Variants in AGBL4 observed in about 807,000 individuals in gnomAD.
The protein encoded by AGBL4 is cytosolic carboxypeptidase 6.
A neutral mutation model predicts 66.4 loss-of-function variants in AGBL4; 58 were observed. The ratio of observed to expected loss-of-function variants is 0.87; its 90% CI spans 0.71 to 1.09. The LOEUF (loss-of-function observed/expected upper bound fraction) is 1.09. AGBL4 is among the 50% of genes least tolerant of loss of function. The pLI, the probability that AGBL4 is intolerant of heterozygous loss-of-function variation, is 0.00. For missense variants in AGBL4, 579 were observed against 631.0 expected, an observed-to-expected ratio of 0.92 and a Z score of 0.88; for synonymous variants, 234 against 222.9, an observed-to-expected ratio of 1.05 and a Z score of -0.44.
intron 2 of AGBL4, among the ~76,000 whole-genome samples, chr1:49,760,409 G>C (rs562128262): frequency 2.6e-5 from 4 of 151,968 alleles, no homozygotes; most frequent in African/African-American, 9.7e-5. Flanking sequence ...GCCAACACAT[G>C]TATGAAAAAA....
chr1:49,351,533 T>A (rs1643908240), intron 3 of AGBL4, among the ~76,000 whole-genome samples: 1 of 152,080 alleles, frequency 6.6e-6, no homozygotes, highest in Non-Finnish European at 1.5e-5. Flanking sequence ...TAAAGCTTAT[T>A]CATAGAAAAT....
intron 3 of AGBL4, among the ~76,000 whole-genome samples, chr1:49,674,751 T>A (rs1646547533): frequency 6.6e-6 from 1 of 151,950 alleles, no homozygotes; most frequent in African/African-American, 2.4e-5. Context: ...GTGGTAGAAT[T>A]ACAGTCTTTG....
chr1:48,941,135 A>G (rs1655933290), intron 5 of AGBL4, among the ~76,000 whole-genome samples: 1 of 152,252 alleles, frequency 6.6e-6, no homozygotes, highest in Non-Finnish European at 1.5e-5. Context: ...GACCCTGAAC[A>G]TCAGAGGGCA....
At chr1:49,538,433 G>A (rs915191175) in intron 3 of AGBL4, among the ~76,000 whole-genome samples, 1 of 152,184 alleles carries the variant, frequency 6.6e-6, no homozygotes, top group South Asian at 2.1e-4. Flanking sequence ...TGGGTACAAT[G>A]TACATTATTG....
chr1:49,844,543 G>T, intron 2 of AGBL4: 3 of 610,802 alleles, frequency 4.9e-6, no homozygotes, highest in East Asian at 3.3e-5. Context: ...TTCCTGGTTT[G>T]CAAAACTATA....
chr1:49,025,491 G>C (rs1663587209), intron 5 of AGBL4: 2 of 152,180 alleles, frequency 1.3e-5, no homozygotes, highest in African/African-American at 4.8e-5. Flanking sequence ...TCAGGGATAT[G>C]GGGAGCACAG....
At chr1:48,967,006 T>G (rs1030765482) in intron 5 of AGBL4, among the ~76,000 whole-genome samples, 12 of 151,574 alleles carry the variant, frequency 7.9e-5, no homozygotes, top group African/African-American at 2.9e-4. Context: ...AGAGCCATAT[T>G]GTAGTGTTCG....
At chr1:49,344,757 A>G (rs1645606227) in intron 3 of AGBL4, among the ~76,000 whole-genome samples, 1 of 152,324 alleles carries the variant, frequency 6.6e-6, no homozygotes, top group Admixed American at 6.5e-5. Context: ...TGACATTAAT[A>G]GCAGTATATT....
intron 3 of AGBL4, among the ~76,000 whole-genome samples, chr1:49,683,325 C>T (rs1403730611): frequency 6.6e-6 from 1 of 152,008 alleles, no homozygotes; most frequent in Non-Finnish European, 1.5e-5. Context: ...CTTGTTTTAT[C>T]AACATATCCA....
intron 3 of AGBL4, among the ~76,000 whole-genome samples, chr1:49,325,075 T>G (rs1207651092): frequency 6.6e-6 from 1 of 152,218 alleles, no homozygotes; most frequent in Non-Finnish European, 1.5e-5. Context: ...CAGGCTGGAG[T>G]GCAGTGGCAC....
chr1:49,396,650 T>C (rs1249957680), intron 3 of AGBL4, among the ~76,000 whole-genome samples: 1 of 152,180 alleles, frequency 6.6e-6, no homozygotes, highest in Non-Finnish European at 1.5e-5. Flanking sequence ...TAAGATATAA[T>C]ACTGTGTGAA....
In AGBL4 at chr1:48,648,409, C is replaced by T. The variant is rs190738830; in HGVS notation, c.839+4928G>A. ...CCCATTCTTGATAGAGCCTCTCCCC[C>T]GCGCTTCTACTAAATGATGGAAGGT... On this transcript the variant is annotated intron_variant, in intron 8 of 13. Coordinates refer to ENST00000371839, the MANE Select transcript of AGBL4 (RefSeq NM_032785.4). Among the ~76,000 whole-genome samples, 937 of 152,290 alleles carry T rather than the reference C, an allele frequency of 6.2e-3. 15 individuals carry two copies. The highest frequency in any genetic ancestry group is 7.7e-3 in the Non-Finnish European group (521 of 68,024).
intron 5 of AGBL4, among the ~76,000 whole-genome samples, chr1:48,937,395 C>T (rs1655571396): frequency 6.6e-6 from 1 of 152,104 alleles, no homozygotes; most frequent in Non-Finnish European, 1.5e-5. Context: ...AGTGATTCAG[C>T]TTCATTATTA....
At chr1:48,806,998 A>T (rs1229246352) in intron 6 of AGBL4, among the ~76,000 whole-genome samples, 1 of 152,188 alleles carries the variant, frequency 6.6e-6, no homozygotes, top group East Asian at 1.9e-4. Context: ...CTACTCTCAT[A>T]TATCCAACAA....
chr1:49,445,846 T>TTTTA (rs1039930230), intron 3 of AGBL4, among the ~76,000 whole-genome samples: 17 of 152,004 alleles, frequency 1.1e-4, no homozygotes, highest in Non-Finnish European at 1.8e-4. Flanking sequence ...ATTTATTTTA[T>TTTTA]TTTATTTATT....
intron 6 of AGBL4, among the ~76,000 whole-genome samples, chr1:48,837,060 A>G (rs1646693704): frequency 6.7e-6 from 1 of 148,762 alleles, no homozygotes; most frequent in Non-Finnish European, 1.5e-5. Flanking sequence ...TATTAATTAT[A>G]TAATAGTAAG....
intron 1 of AGBL4, among the ~76,000 whole-genome samples, chr1:50,011,979 G>A (rs1293940450): frequency 1.3e-5 from 2 of 151,980 alleles, no homozygotes; most frequent in Non-Finnish European, 2.9e-5. Context: ...CTAACAAGGT[G>A]AAACCCCGTC....
chr1:48,724,683 A>G (rs1570358124), intron 6 of AGBL4, among the ~76,000 whole-genome samples: 2 of 152,176 alleles, frequency 1.3e-5, no homozygotes, highest in Admixed American at 1.3e-4. Flanking sequence ...GGTATTTCCT[A>G]TTTTTGGCAA....
chr1:49,947,063 A>T (rs546693027), intron 1 of AGBL4, among the ~76,000 whole-genome samples: 28 of 148,184 alleles, frequency 1.9e-4, no homozygotes, highest in African/African-American at 3.2e-4. Context: ...AATGGTAATT[A>T]AAAAAAAAAG....
Sources: gnomAD v4.1 joint callset for allele counts (sites outside exome capture counted in the v4.1 genomes callset) on GRCh38, gnomAD v4.1.1 for gene constraint, MANE v1.5 for transcripts, NCBI Gene and HGNC (gene_info 2026-07-23, HGNC 2026-07-21) for gene names.